Variants in SPNS3 observed in about 807,000 individuals in gnomAD.
SPNS3 encodes protein spinster homolog 3.
Under a neutral mutation model 54.4 loss-of-function variants are expected in SPNS3, and 51 were observed. The observed-to-expected ratio is 0.94, with a 90% CI of 0.75 to 1.18. The LOEUF is 1.18. Ranked by LOEUF, SPNS3 falls within the 50% of genes most tolerant of loss-of-function variation. The pLI is 0.00. For missense variants in SPNS3, 669 were observed against 677.4 expected, an observed-to-expected ratio of 0.99 and a Z score of 0.14; for synonymous variants, 309 against 294.7, an observed-to-expected ratio of 1.05 and a Z score of -0.50.
At chr17:4,438,636 C>T (rs1172284554) in intron 1 of SPNS3, among the ~76,000 whole-genome samples, 2 of 152,212 alleles carry the variant, frequency 1.3e-5, no homozygotes, top group African/African-American at 4.8e-5. Context: ...TGTGCACATG[C>T]GTGCAAGCCA....
intron 2 of SPNS3, among the ~76,000 whole-genome samples, chr17:4,444,493 G>A (rs1451313669): frequency 6.6e-6 from 1 of 152,064 alleles, no homozygotes; most frequent in Admixed American, 6.6e-5. Context: ...AAAGTGCTGG[G>A]ATTACAGGCG....
chr17:4,446,485 G>A (rs562423400), intron 4 of SPNS3: 12 of 483,518 alleles, frequency 2.5e-5, no homozygotes, highest in South Asian at 6.1e-5. Context: ...GGGAAGGGCC[G>A]GCTATGGGAG....
chr17:4,486,398 C>G lies in SPNS3; in HGVS notation c.1279-14C>G. 1 of 1,599,506 alleles carries G rather than the reference C, an allele frequency of 6.3e-7. No homozygotes were observed. Among genetic ancestry groups the G allele is most frequent in the Non-Finnish European group, 8.5e-7 (1 of 1,171,512 alleles). On this transcript the variant is annotated splice_polypyrimidine_tract_variant and intron_variant, in intron 10 of 11. Coordinates refer to ENST00000355530, the MANE Select transcript of SPNS3 (RefSeq NM_182538.5). This position sits in a 1 kb window ranked among gnomAD's most constrained non-coding sequence, Gnocchi z 5.5. Reference sequence around the variant, plus strand: ...GCTGGTGGGCCTGGCAGACTCATCCCTTCTCCTCCGCAGATCTCTAGTGTC... The same window carrying G: ...GCTGGTGGGCCTGGCAGACTCATCCGTTCTCCTCCGCAGATCTCTAGTGTC...
intron 9 of SPNS3, among the ~76,000 whole-genome samples, chr17:4,480,028 G>A (rs145399050): frequency 3.2e-4 from 48 of 152,364 alleles, no homozygotes; most frequent in African/African-American, 1.0e-3. Context: ...ATGTATAGTC[G>A]TTGAATCTGT....
intron 7 of SPNS3, among the ~76,000 whole-genome samples, chr17:4,450,364 T>TCTCC (rs1398456415): frequency 2.2e-5 from 3 of 134,826 alleles, no homozygotes; most frequent in Admixed American, 7.6e-5. Context: ...CCTCTCTCTC[T>TCTCC]CTCTCCCTAC....
intron 8 of SPNS3, among the ~76,000 whole-genome samples, chr17:4,468,090 A>G (rs1971731777): frequency 6.6e-6 from 1 of 152,180 alleles, no homozygotes; most frequent in South Asian, 2.1e-4. Context: ...GCCATTTTGT[A>G]GCTTATGGAC....
At chr17:4,434,326 C>T (rs966191587) in intron 1 of SPNS3, among the ~76,000 whole-genome samples, 160 bp downstream of exon 1, 23 of 152,126 alleles carry the variant, frequency 1.5e-4, no homozygotes, top group African/African-American at 2.7e-4. Flanking sequence ...GTGCTCGAAT[C>T]GGGGAGGACC....
At chr17:4,466,171 ACGCTGTTCCAGG>A (rs1971670306) in intron 8 of SPNS3, among the ~76,000 whole-genome samples, 1 of 152,248 alleles carries the variant, frequency 6.6e-6, no homozygotes, top group African/African-American at 2.4e-5. Context: ...TCTTTCCCAG[ACGCTGTTCCAGG>A]CACTGGAGTA....
chr17:4,435,312 A>G (rs1411603589), intron 1 of SPNS3, among the ~76,000 whole-genome samples: 1 of 151,560 alleles, frequency 6.6e-6, no homozygotes, highest in East Asian at 2.0e-4. Flanking sequence ...AATCTCAGCT[A>G]CTGGGGAGGC....
Position 4,488,018 on chromosome 17 carries a change from C to T in SPNS3, c.*124C>T, listed in dbSNP as rs1026580068. On this transcript the variant is annotated 3_prime_UTR_variant, in exon 12 of 12. Coordinates refer to ENST00000355530, the MANE Select transcript of SPNS3 (RefSeq NM_182538.5). ...AGGCACATCTGCCACTTTTGAATTC[C>T]CGGCTGGAGAGCTGGCAGGACCCTG... The T allele has an allele frequency of 8.6e-6, 7 of 815,100 alleles. No individual in the cohort carries two copies. Among genetic ancestry groups the T allele is most frequent in the African/African-American group, 6.8e-5 (4 of 59,172 alleles). The allele number at this position is 815,100 out of a possible 1,614,324, so 50.5% of individuals were successfully genotyped here. A position where few individuals can be genotyped will look rare whatever the true frequency, so the allele number is the denominator to read the frequency against.
Position 4,434,241 on chromosome 17 carries a change from C to T in SPNS3, c.199+75C>T, listed in dbSNP as rs1272347313. 5.7e-6 allele frequency: 8 copies of T among 1,401,442 alleles called. No homozygotes were observed. The East Asian group carries it at 9.7e-5, about 17-fold the overall frequency. The allele number at this position is 1,401,442 out of a possible 1,614,324, so 86.8% of individuals were successfully genotyped here. ...GCCAGGGGCTGCAGATCCATGGTGGCCTTCCAGCCATCACCCATCTTTCTG... is the reference window on the plus strand; with the variant it reads ...GCCAGGGGCTGCAGATCCATGGTGGTCTTCCAGCCATCACCCATCTTTCTG... On this transcript the variant is annotated intron_variant, in intron 1 of 11. Transcript: ENST00000355530.
chr17:4,434,115 G>C lies in SPNS3; in HGVS notation c.148G>C (p.Val50Leu), dbSNP rs747363157. The C allele has an allele frequency of 1.9e-6, 3 of 1,612,236 alleles. No individual in the cohort carries two copies. In the East Asian group the frequency reaches 6.7e-5, roughly 36 times the overall value. The change falls in exon 1 of 12, where the codon GTC becomes CTC. Residue 50 changes from valine to leucine, a missense_variant. By Grantham distance (32) the Val-to-Leu change is conservative. Coordinates refer to ENST00000355530, the MANE Select transcript of SPNS3 (RefSeq NM_182538.5). Reference protein sequence around the residue: ...PPWRAYVAAAVLCYINLLNYM... With the variant: ...PPWRAYVAAALLCYINLLNYM... ...GTGGAGGGCCTACGTGGCTGCCGCCGTCCTCTGCTACATCAACCTCCTGAA... is the reference window on the plus strand; with the variant it reads ...GTGGAGGGCCTACGTGGCTGCCGCCCTCCTCTGCTACATCAACCTCCTGAA...
At chr17:4,468,264 T>C (rs1000769032) in intron 8 of SPNS3, among the ~76,000 whole-genome samples, 7 of 150,756 alleles carry the variant, frequency 4.6e-5, no homozygotes, top group African/African-American at 1.2e-4. Context: ...CTGGGCAACA[T>C]AGAGAGAAAA....
chr17:4,446,734 T>G lies in SPNS3; in HGVS notation c.555-162T>G. ...GTGACCTGACCGAGGGCAGTGGACA[T>G]CTGGGCCTCACGTGGCTTACTTTCC... is the stretch of plus-strand genomic sequence containing the variant. On this transcript the variant is annotated intron_variant, in intron 4 of 11. Coordinates refer to ENST00000355530, the MANE Select transcript of SPNS3 (RefSeq NM_182538.5). 4 of 661,338 alleles carry G rather than the reference T, an allele frequency of 6.0e-6. No individual in the cohort carries two copies. In the South Asian group the frequency reaches 6.9e-5, roughly 11 times the overall value. The allele number at this position is 661,338 out of a possible 1,614,324, so 41.0% of individuals were successfully genotyped here. A position where few individuals can be genotyped will look rare whatever the true frequency, so the allele number is the denominator to read the frequency against.
rs1219991906 is a variant in SPNS3 at position 4,444,885 on chromosome 17, CCTTAT to C, written c.266-143_266-139del. On this transcript the variant is annotated intron_variant, in intron 2 of 11. Coordinates refer to ENST00000355530, the MANE Select transcript of SPNS3 (RefSeq NM_182538.5). ...TGTTGGCCACGCACTGTGAGGTTCACCTTATCTTTTCTTCCTCATACCCTGGGCCC... is the reference window on the plus strand; with the variant it reads ...TGTTGGCCACGCACTGTGAGGTTCACCTTTTCTTCCTCATACCCTGGGCCC... 4.1e-6 allele frequency: 4 copies of C among 975,452 alleles called. No homozygotes were observed. The African/African-American group carries it at 6.5e-5, about 16-fold the overall frequency. 60.4% of individuals were successfully genotyped at this position (975,452 alleles called of 1,614,324 possible).
Position 4,487,916 on chromosome 17 carries a change from T to C in SPNS3, c.*22T>C. ...CTGAGGTCCCTGCCTACACTCGTCCTGCCTGCAAGCCTCCCGTTGGTCCCC... is the reference window on the plus strand; with the variant it reads ...CTGAGGTCCCTGCCTACACTCGTCCCGCCTGCAAGCCTCCCGTTGGTCCCC... On this transcript the variant is annotated 3_prime_UTR_variant, in exon 12 of 12. Transcript: ENST00000355530. 1 of 1,606,544 alleles carries C rather than the reference T, an allele frequency of 6.2e-7. No individual in the cohort carries two copies.
intron 9 of SPNS3, among the ~76,000 whole-genome samples, chr17:4,484,817 C>A (rs564070383): frequency 7.2e-5 from 11 of 151,912 alleles, no homozygotes; most frequent in African/African-American, 2.4e-4. Flanking sequence ...GAATAGTCTC[C>A]CAGATGGACC....
chr17:4,443,854 A>T (rs1161096540), intron 2 of SPNS3, among the ~76,000 whole-genome samples: 1 of 152,256 alleles, frequency 6.6e-6, no homozygotes, highest in Non-Finnish European at 1.5e-5. Context: ...TAACCCCAGC[A>T]CTTTAGGAGG....
intron 8 of SPNS3, among the ~76,000 whole-genome samples, chr17:4,456,227 C>T (rs1184930401): frequency 6.6e-6 from 1 of 152,082 alleles, no homozygotes; most frequent in Non-Finnish European, 1.5e-5. Flanking sequence ...GCTGGGATTA[C>T]AGGCATGAGC....
Sources: gnomAD v4.1 joint callset for allele counts (sites outside exome capture counted in the v4.1 genomes callset) on GRCh38, gnomAD v4.1.1 for gene constraint, Gnocchi (gnomAD v3.1) non-coding constraint, MANE v1.5 for transcripts, NCBI Gene and HGNC (gene_info 2026-07-23, HGNC 2026-07-21) for gene names.